The following SLC16A6 variants were observed in gnomAD, a reference collection of about 807,000 sequenced individuals.
SLC16A6 encodes monocarboxylate transporter 7.
In SLC16A6, 15 loss-of-function variants were observed where a neutral mutation model predicts 33.8. The ratio of observed to expected loss-of-function variants is 0.44; its 90% confidence interval spans 0.30 to 0.68. The LOEUF (loss-of-function observed/expected upper bound fraction) is 0.68. Ranked by LOEUF, SLC16A6 falls within the 30% of genes least tolerant of loss-of-function variation. The pLI is 0.10. For synonymous variants in SLC16A6, 219 were observed against 248.4 expected, an observed-to-expected ratio of 0.88 and a Z score of 1.11; for missense variants, 451 against 661.5, an observed-to-expected ratio of 0.68 and a Z score of 3.49.
chr17:68,278,029 G>C, intron 2 of SLC16A6, 60 bp downstream of exon 2: 1 of 1,155,114 alleles, frequency 8.7e-7, no homozygotes, highest in Non-Finnish European at 1.3e-6. Flanking sequence ...CCATTACCAA[G>C]GTAGCCAAAT....
intron 1 of SLC16A6, among the ~76,000 whole-genome samples, chr17:68,281,830 C>A (rs886612109): frequency 6.6e-6 from 1 of 151,946 alleles, no homozygotes; most frequent in Non-Finnish European, 1.5e-5. Flanking sequence ...TAAACTAGTA[C>A]GGCCAATAAG....
At chr17:68,283,666 T>C (rs931075719) in intron 1 of SLC16A6, among the ~76,000 whole-genome samples, 5 of 150,062 alleles carry the variant, frequency 3.3e-5, no homozygotes, top group Non-Finnish European at 5.9e-5. Flanking sequence ...ACTAACAAAC[T>C]ACAGAAATGA....
intron 1 of SLC16A6, among the ~76,000 whole-genome samples, chr17:68,286,823 C>T (rs537673371): frequency 1.6e-3 from 247 of 152,128 alleles, no homozygotes; most frequent in Non-Finnish European, 3.0e-3. Context: ...GTACTGAATT[C>T]TATTAATCAA....
chr17:68,283,384 G>A (rs960985250), intron 1 of SLC16A6, among the ~76,000 whole-genome samples: 3 of 152,124 alleles, frequency 2.0e-5, no homozygotes, highest in East Asian at 1.9e-4. Flanking sequence ...AGCCAGGCGT[G>A]GTGGCGGGCG....
upstream of SLC16A6, chr17:68,291,299 C>A (rs2075978212): frequency 6.9e-6 from 1 of 145,410 alleles, no homozygotes; most frequent in Admixed American, 6.7e-5. Context: ...CCACACCCTC[C>A]CCCCGCCCCC....
intron 2 of SLC16A6, 97 bp from the exon 3 acceptor site, chr17:68,274,167 A>C (rs1406012386): frequency 2.2e-6 from 3 of 1,340,430 alleles, no homozygotes; most frequent in Non-Finnish European, 3.1e-6. Flanking sequence ...TGGAGAGATG[A>C]TGTCGAATAT....
intron 2 of SLC16A6, 149 bp from the exon 3 acceptor site, chr17:68,274,219 A>G: frequency 1.3e-6 from 1 of 757,976 alleles, no homozygotes; most frequent in Non-Finnish European, 2.0e-6. Flanking sequence ...TAATCCCAGC[A>G]CTTTGGGAGG....
Position 68,271,343 on chromosome 17 carries a change from T to C in SLC16A6, c.817A>G (p.Ser273Gly). The stretch of plus-strand genomic sequence containing the variant: ...GCTTTCTTTTCGCTTGGCCTGGGGC[T>C]GGTCTTCACCAGGACCTGCTGCATG... The part of the protein sequence containing the change: ...ADMQQVLVKT[S>G]PRPSEKKAPL... Residue 273 changes from serine to glycine, a missense_variant, in exon 5 of 6, where the codon AGC becomes GGC. By Grantham distance (56) the Ser-to-Gly change is moderately conservative. Around this residue, in one of 2 missense-constraint regions of SLC16A6, gnomAD observed 405 missense variants for 510.7 expected, o/e 0.79. Transcript: ENST00000580666. The surrounding 1 kb of genome is among the most constrained non-coding windows in gnomAD (Gnocchi z 5.3). 1 of 1,614,258 alleles carries C rather than the reference T, an allele frequency of 6.2e-7. No individual in the cohort carries two copies. The highest frequency in any genetic ancestry group is 1.1e-5 in the South Asian group (1 of 91,090).
intron 2 of SLC16A6, among the ~76,000 whole-genome samples, chr17:68,274,966 G>C (rs2075465312): frequency 6.6e-6 from 1 of 152,164 alleles, no homozygotes; most frequent in African/African-American, 2.4e-5. Flanking sequence ...TTTTAGTAGA[G>C]ATGGGGTTTC....
Position 68,271,036 on chromosome 17 carries a change from GCAAA to G in SLC16A6, c.1120_1123del (p.Phe374ProfsTer11). 5 of 1,614,100 alleles carry G rather than the reference GCAAA, an allele frequency of 3.1e-6. No homozygotes were observed. The highest frequency in any genetic ancestry group is 4.2e-6 in the Non-Finnish European group (5 of 1,180,026). On this transcript the variant is annotated frameshift_variant, in exon 5 of 6. Coordinates refer to ENST00000580666, the MANE Select transcript of SLC16A6 (RefSeq NM_004694.5). LOFTEE classifies it high-confidence loss of function. The surrounding 1 kb of genome is among the most constrained non-coding windows in gnomAD (Gnocchi z 5.3). ...CCAGAATTCAGTAGCAAAAGTAAAGGCAAACAGAGACACAGTCAATAAGATGACG... is the reference window on the plus strand; with the variant it reads ...CCAGAATTCAGTAGCAAAAGTAAAGGCAGAGACACAGTCAATAAGATGACG...
intron 2 of SLC16A6, 163 bp from the exon 3 acceptor site, chr17:68,274,233 AG>A: frequency 1.6e-6 from 1 of 634,956 alleles, no homozygotes; most frequent in Non-Finnish European, 2.6e-6. Context: ...TGGGAGGTTG[AG>A]GACGGAGGAT....
chr17:68,281,735 G>T (rs1210158945), intron 1 of SLC16A6, among the ~76,000 whole-genome samples: 2 of 152,138 alleles, frequency 1.3e-5, no homozygotes, highest in Non-Finnish European at 2.9e-5. Flanking sequence ...CCTCATTTGG[G>T]ATGGCTATGA....
At position 68,270,949 on chromosome 17, in the gene SLC16A6, A is replaced by T; in HGVS notation, c.1211T>A (p.Ile404Asn). 4 of 1,614,214 alleles carry T rather than the reference A, an allele frequency of 2.5e-6. No homozygotes were observed. Among genetic ancestry groups the T allele is most frequent in the Non-Finnish European group, 3.4e-6 (4 of 1,180,038 alleles). Reference sequence around the variant, plus strand: ...GACATCATCCTCAGCAAGCAGTGGAATGTGAGTCCCTCCTATTGTTCCAAC... The same window carrying T: ...GACATCATCCTCAGCAAGCAGTGGATTGTGAGTCCCTCCTATTGTTCCAAC... ...FMVGTIGGTH[I>N]PLLAEDDVVG... Residue 404 changes from isoleucine to asparagine, a missense_variant, in exon 5 of 6, where the codon ATT (isoleucine) becomes AAT (asparagine). Coordinates refer to ENST00000580666, the MANE Select transcript of SLC16A6 (RefSeq NM_004694.5).
intron 4 of SLC16A6, among the ~76,000 whole-genome samples, chr17:68,272,158 G>A (rs1398581904): frequency 2.0e-5 from 3 of 151,936 alleles, no homozygotes; most frequent in Non-Finnish European, 4.4e-5. Context: ...GGCTGGTCTC[G>A]ATCACCTGAC....
rs782138403 is a variant in SLC16A6, at chr17:68,272,598, T to C, written c.505+41A>G. On this transcript the variant is annotated intron_variant, in intron 4 of 5. Transcript: ENST00000580666. ...GTAGCAAGAATACCTGAGTGACGTCTCTCATCCACATTCATACTTAGGCTG... is the reference window on the plus strand; with the variant it reads ...GTAGCAAGAATACCTGAGTGACGTCCCTCATCCACATTCATACTTAGGCTG... The C allele has an allele frequency of 7.5e-6, 12 of 1,601,806 alleles. No homozygotes were observed. In the East Asian group the frequency reaches 9.0e-5, roughly 12 times the overall value.
chr17:68,286,614 T>C (rs6501351), intron 1 of SLC16A6, among the ~76,000 whole-genome samples: 92,818 of 151,744 alleles, frequency 0.61, 28,924 homozygotes, highest in African/African-American at 0.73. Context: ...AAGCGATTCT[T>C]CTGCCTCAGC....
intron 2 of SLC16A6, among the ~76,000 whole-genome samples, chr17:68,275,005 A>G (rs2075466779): frequency 6.6e-6 from 1 of 152,054 alleles, no homozygotes; most frequent in South Asian, 2.1e-4. Flanking sequence ...GTCTCGAACT[A>G]CTGACCTCAG....
chr17:68,269,964 C>T (rs1232383383), intron 5 of SLC16A6, among the ~76,000 whole-genome samples: 20 of 152,078 alleles, frequency 1.3e-4, no homozygotes, highest in Non-Finnish European at 1.8e-4. Context: ...TGAGCCACTG[C>T]GCCCGGCCCG....
At chr17:68,283,692 T>C (rs1036005180) in intron 1 of SLC16A6, among the ~76,000 whole-genome samples, 6 of 148,450 alleles carry the variant, frequency 4.0e-5, no homozygotes, top group East Asian at 4.1e-4. Context: ...GAAAGTATAG[T>C]CTTGAAACCC....
Sources: allele counts gnomAD v4.1 joint callset (sites outside exome capture counted in the v4.1 genomes callset), GRCh38; gene constraint gnomAD v4.1.1; regional missense constraint gnomAD v4.1.1; non-coding constraint Gnocchi (gnomAD v3.1); transcripts MANE v1.5; gene names NCBI Gene and HGNC (gene_info 2026-07-23, HGNC 2026-07-21).